The following TMEM177 variants were observed in gnomAD, a reference collection of about 807,000 sequenced individuals.
The protein encoded by TMEM177 is transmembrane protein 177.
A neutral mutation model predicts 14.2 loss-of-function variants in TMEM177; 4 were observed. That is an observed-to-expected ratio of 0.28 (90% CI 0.14 to 0.64). The LOEUF is 0.64. TMEM177 is among the 30% of genes least tolerant of loss of function. TMEM177 has a pLI of 0.82. For synonymous variants in TMEM177, 179 were observed against 174.5 expected, an observed-to-expected ratio of 1.03 and a Z score of -0.20; for missense variants, 344 against 405.2, an observed-to-expected ratio of 0.85 and a Z score of 1.30.
chr2:119,689,217 G>A (rs1033423455), downstream of TMEM177, among the ~76,000 whole-genome samples: 1 of 152,168 alleles, frequency 6.6e-6, no homozygotes, highest in Non-Finnish European at 1.5e-5. Flanking sequence ...CCACTAACAC[G>A]GTTACTCCTC....
chr2:119,694,215 A>C, the TMEM177 span, among the ~76,000 whole-genome samples: 1 of 150,784 alleles, frequency 6.6e-6, no homozygotes, highest in Admixed American at 6.6e-5. Flanking sequence ...CACACAACAC[A>C]AACACATACC....
the TMEM177 span, among the ~76,000 whole-genome samples, chr2:119,697,811 C>T: frequency 5.3e-5 from 8 of 152,094 alleles, no homozygotes; most frequent in South Asian, 2.1e-4. Flanking sequence ...TGAAATGAAC[C>T]GATACTAGAC....
At chr2:119,708,644 GACACACAC>G in the TMEM177 span, among the ~76,000 whole-genome samples, 19 of 146,844 alleles carry the variant, frequency 1.3e-4, no homozygotes, top group East Asian at 4.0e-4. Context: ...ATCACACGCA[GACACACAC>G]ACACACACAC....
intron 1 of TMEM177, among the ~76,000 whole-genome samples, chr2:119,680,427 C>T (rs1002674182): frequency 4.6e-5 from 7 of 152,052 alleles, no homozygotes; most frequent in African/African-American, 1.7e-4. Flanking sequence ...AAATTGAACA[C>T]GTTTTTCCTT....
the TMEM177 span, among the ~76,000 whole-genome samples, chr2:119,694,712 C>T: frequency 0.026 from 4,002 of 152,352 alleles, 56 homozygotes; most frequent in Non-Finnish European, 0.032. Flanking sequence ...CTGTCGTACA[C>T]GCCCCTGATG....
the TMEM177 span, among the ~76,000 whole-genome samples, chr2:119,693,785 A>C: frequency 6.7e-6 from 1 of 148,288 alleles, no homozygotes; most frequent in South Asian, 2.1e-4. Flanking sequence ...CACCAGCTGC[A>C]GTCACAGAAG....
downstream of TMEM177, among the ~76,000 whole-genome samples, chr2:119,691,400 T>C (rs1689093079): frequency 6.6e-6 from 1 of 152,118 alleles, no homozygotes; most frequent in African/African-American, 2.4e-5. Context: ...CACCAGTCAT[T>C]GCCCAAGGTG....
chr2:119,680,822 C>T lies in TMEM177; in HGVS notation c.-22-10C>T. On this transcript the variant is annotated splice_polypyrimidine_tract_variant and intron_variant, in intron 1 of 1. Transcript: ENST00000272521. ...GGGAAACTGGCTGACTTCTCTTTTT[C>T]TTGGCCCAGATTGTCCGCAGTGACT... is the stretch of plus-strand genomic sequence containing the variant. 6.3e-7 allele frequency: 1 copy of T among 1,588,314 alleles called. No homozygotes were observed.
At chr2:119,691,224 G>A (rs1689089382), downstream of TMEM177, among the ~76,000 whole-genome samples, 1 of 152,212 alleles carries the variant, frequency 6.6e-6, no homozygotes, top group African/African-American at 2.4e-5. Flanking sequence ...ACTCACTGCT[G>A]TGGGCACGTT....
the TMEM177 span, among the ~76,000 whole-genome samples, chr2:119,718,781 C>T: frequency 2.6e-5 from 4 of 152,088 alleles, no homozygotes; most frequent in Admixed American, 6.6e-5. Flanking sequence ...GTAGCTACTT[C>T]ATAAACCCTG....
downstream of TMEM177, among the ~76,000 whole-genome samples, chr2:119,685,394 C>G (rs1324060902): frequency 6.6e-6 from 1 of 152,088 alleles, no homozygotes; most frequent in Non-Finnish European, 1.5e-5. Flanking sequence ...CAAGGTTCCA[C>G]TCAGCCTTGC....
chr2:119,681,405 C>T lies in TMEM177; in HGVS notation c.552C>T (p.Gly184=), dbSNP rs745898356. Residue 184 remains glycine (G), a synonymous_variant, in exon 2 of 2, where the codon GGC becomes GGT. Transcript: ENST00000272521. ...GCCTGGCAGGGACCTGGGCACTGGG[C>T]GTGGGTGCCAAGTACACCCTGGGGC... ...PACLAGTWAL[G]VGAKYTLGLH... 3.7e-6 allele frequency: 6 copies of T among 1,613,906 alleles called. No individual in the cohort carries two copies. Among genetic ancestry groups the T allele is most frequent in the South Asian group, 2.2e-5 (2 of 91,058 alleles).
the TMEM177 span, among the ~76,000 whole-genome samples, chr2:119,692,459 C>T: frequency 9.9e-5 from 15 of 152,232 alleles, no homozygotes; most frequent in Admixed American, 9.8e-4. Context: ...CCCAGGCGAA[C>T]AGCAGCTCCC....
At chr2:119,680,565 C>A (rs1688868137) in intron 1 of TMEM177, among the ~76,000 whole-genome samples, 1 of 152,202 alleles carries the variant, frequency 6.6e-6, no homozygotes, top group Non-Finnish European at 1.5e-5. Flanking sequence ...CTGTGCCAGA[C>A]ACTAAATGTT....
chr2:119,694,583 C>G, the TMEM177 span, among the ~76,000 whole-genome samples: 2 of 152,238 alleles, frequency 1.3e-5, no homozygotes, highest in African/African-American at 2.4e-5. Context: ...GGCACTGTCC[C>G]CATCCTCCTC....
downstream of TMEM177, among the ~76,000 whole-genome samples, chr2:119,688,952 C>T (rs1446089538): frequency 6.6e-6 from 1 of 152,226 alleles, no homozygotes; most frequent in East Asian, 1.9e-4. Context: ...AGTACTGCTG[C>T]AAGTGGATCG....
At chr2:119,694,016 C>CCATACACACAACACAA in the TMEM177 span, among the ~76,000 whole-genome samples, 1 of 7,204 alleles carries the variant, frequency 1.4e-4, no homozygotes, top group African/African-American at 3.2e-4. Context: ...ATACACATTA[C>CCATACACACAACACAA]ACATACCACA....
At position 119,681,094 on chromosome 2, in the gene TMEM177, A is replaced by T; in HGVS notation, c.241A>T (p.Lys81Ter). 1 of 1,614,246 alleles carries T rather than the reference A, an allele frequency of 6.2e-7. No individual in the cohort carries two copies. The highest frequency in any genetic ancestry group is 1.3e-5 in the African/African-American group (1 of 75,072). The change falls in exon 2 of 2, where the codon AAG becomes TAG. Residue 81 changes from lysine (K) to a stop codon, truncating the protein, a stop_gained. Transcript: ENST00000272521. LOFTEE classifies it high-confidence loss of function. ...AGGTGTTCCTTCAGGCCATTGCTAC[A>T]AGCCCTTCACCACCTTCACCTTCCA... The part of the protein sequence containing the change: ...DIGVPSGHCY[K>*]PFTTFTFQPV...
downstream of TMEM177, among the ~76,000 whole-genome samples, chr2:119,690,512 A>G (rs1382264109): frequency 6.6e-6 from 1 of 152,144 alleles, no homozygotes; most frequent in African/African-American, 2.4e-5. Context: ...CTGTGAGGAC[A>G]GGGTGCTCAT....
Sources: allele counts gnomAD v4.1 joint callset (sites outside exome capture counted in the v4.1 genomes callset), GRCh38; gene constraint gnomAD v4.1.1; transcripts MANE v1.5; gene names NCBI Gene and HGNC (gene_info 2026-07-23, HGNC 2026-07-21).